Variants in TACC1 observed in about 807,000 individuals in gnomAD.
TACC1 encodes transforming acidic coiled-coil-containing protein 1.
TACC1 carries 48 observed loss-of-function variants against 84.4 expected under a neutral mutation model. That is an observed-to-expected ratio of 0.57 (90% CI 0.45 to 0.72). The LOEUF (loss-of-function observed/expected upper bound fraction) is 0.72, where lower values mean the gene tolerates loss of function less well. TACC1 is among the 30% of genes least tolerant of loss of function. TACC1 has a pLI of 0.00. For missense variants in TACC1, 920 were observed against 973.0 expected, an observed-to-expected ratio of 0.95 and a Z score of 0.72; for synonymous variants, 372 against 376.3, an observed-to-expected ratio of 0.99 and a Z score of 0.13.
At position 38,820,106 on chromosome 8, in the gene TACC1, C is replaced by T. The variant is rs1313146813; in HGVS notation, c.862C>T (p.Pro288Ser). The change falls in exon 3 of 13, where the codon CCC (proline) becomes TCC (serine). Residue 288 changes from proline to serine, a missense_variant. Transcript: ENST00000317827. ...AGGAGATGCCAGGTTCCAGAAGTCT[C>T]CCCCTGACCTTAAAGAAACTCCCGG... ...LLGDARFQKS[P>S]PDLKETPGTL... 8 of 1,614,146 alleles carry T rather than the reference C, an allele frequency of 5.0e-6. No homozygotes were observed. The highest frequency in any genetic ancestry group is 6.8e-6 in the Non-Finnish European group (8 of 1,180,022).
chr8:38,824,136 TC>T, intron 3 of TACC1: 1 of 907,972 alleles, frequency 1.1e-6, no homozygotes, highest in Non-Finnish European at 1.6e-6. Context: ...AGTTTGATCT[TC>T]TGATGATTTT....
At chr8:38,835,211 G>A (rs1179029742) in intron 6 of TACC1, among the ~76,000 whole-genome samples, 7 of 149,846 alleles carry the variant, frequency 4.7e-5, no homozygotes, top group Non-Finnish European at 8.9e-5. Flanking sequence ...CCGAGATTGC[G>A]CCACTGCACT....
chr8:38,838,429 T>C lies in TACC1; in HGVS notation c.1840-41T>C, dbSNP rs756139821. On this transcript the variant is annotated intron_variant, in intron 7 of 12. Transcript: ENST00000317827. ...TTCAGTTCCCAGTCTTAAATGCAAA[T>C]TGTAATAGATTGGGTAAAACTAAGC... is the stretch of plus-strand genomic sequence containing the variant. 12 of 1,474,656 alleles carry C rather than the reference T, an allele frequency of 8.1e-6. No individual in the cohort carries two copies. The South Asian group carries it at 1.4e-4, about 17-fold the overall frequency. The allele number at this position is 1,474,656 out of a possible 1,614,324, so 91.3% of individuals were successfully genotyped here.
intron 2 of TACC1, among the ~76,000 whole-genome samples, chr8:38,817,238 AAC>A (rs1436764573): frequency 6.6e-6 from 1 of 152,188 alleles, no homozygotes; most frequent in African/African-American, 2.4e-5. Flanking sequence ...TGTACATGGA[AAC>A]ACATGGATAT....
intron 1 of TACC1, 91 bp from the exon 2 acceptor site, chr8:38,788,613 C>A (rs1563490210): frequency 9.7e-7 from 1 of 1,033,476 alleles, no homozygotes; most frequent in Non-Finnish European, 1.4e-6. Context: ...GACAAAAGTG[C>A]TGGACTTTTA....
At chr8:38,746,996 C>T (rs144351718) in intron 3 of TACC1, among the ~76,000 whole-genome samples, 1 of 152,232 alleles carries the variant, frequency 6.6e-6, no homozygotes, top group East Asian at 1.9e-4. Context: ...ATGAGCTAAA[C>T]ACTCCAATTA....
intron 3 of TACC1, among the ~76,000 whole-genome samples, chr8:38,774,368 A>G (rs1814362133): frequency 6.6e-6 from 1 of 152,236 alleles, no homozygotes; most frequent in African/African-American, 2.4e-5. Context: ...TTTGTTCAAC[A>G]CAGTGTTCAG....
intron 9 of TACC1, 81 bp downstream of exon 9, chr8:38,840,348 T>A: frequency 1.6e-6 from 2 of 1,263,672 alleles, no homozygotes; most frequent in Non-Finnish European, 2.3e-6. Context: ...ACAAAATATG[T>A]AAGCTAGGTA....
intron 5 of TACC1, among the ~76,000 whole-genome samples, chr8:38,829,549 T>TA (rs1828804055): frequency 6.6e-6 from 1 of 152,200 alleles, no homozygotes; most frequent in African/African-American, 2.4e-5. Context: ...CCTTTCCCCC[T>TA]TCCTGTTCCA....
chr8:38,810,207 A>G (rs1823751662), intron 2 of TACC1, among the ~76,000 whole-genome samples: 1 of 152,106 alleles, frequency 6.6e-6, no homozygotes, highest in African/African-American at 2.4e-5. Flanking sequence ...TATACCTGTG[A>G]TGTAATTATC....
intron 1 of TACC1, chr8:38,742,335 C>A: frequency 1.6e-6 from 2 of 1,230,024 alleles, no homozygotes; most frequent in Non-Finnish European, 2.2e-6. Context: ...TCCCACCTGA[C>A]TTAATTCTCT....
chr8:38,841,175 A>G lies in TACC1; in HGVS notation c.1960+908A>G, dbSNP rs1439698973. Reference sequence around the variant, plus strand: ...GTTTTACGTGTGTTCCTGTTTAAAGACACCTTATTTAATATATATAGTTGA... The same window carrying G: ...GTTTTACGTGTGTTCCTGTTTAAAGGCACCTTATTTAATATATATAGTTGA... On this transcript the variant is annotated intron_variant, in intron 9 of 12. Transcript: ENST00000317827. Among the ~76,000 whole-genome samples the G allele has an allele frequency of 4.6e-5, 7 of 152,204 alleles. No homozygotes were observed. The South Asian group carries it at 1.4e-3, about 31-fold the overall frequency.
Position 38,840,426 on chromosome 8 carries a change from T to A in TACC1, c.1960+159T>A. ...GAGTTCAAGGTGCCCACAGATGAGA[T>A]GTCTGGGGAGGGCCCATTCCTCATA... On this transcript the variant is annotated intron_variant, in intron 9 of 12. Coordinates refer to ENST00000317827, the MANE Select transcript of TACC1 (RefSeq NM_006283.3). 5.0e-6 allele frequency: 3 copies of A among 595,754 alleles called. No individual in the cohort carries two copies. The South Asian group carries it at 6.5e-5, about 13-fold the overall frequency. 36.9% of individuals were successfully genotyped at this position (595,754 alleles called of 1,614,324 possible).
chr8:38,818,277 C>G (rs116138368), intron 2 of TACC1, among the ~76,000 whole-genome samples: 2,244 of 152,198 alleles, frequency 0.015, 47 homozygotes, highest in African/African-American at 0.051. Context: ...TCCAGTGGTA[C>G]TTGACTCTGA....
intron 7 of TACC1, among the ~76,000 whole-genome samples, chr8:38,837,411 G>A (rs1830447683): frequency 1.3e-5 from 2 of 152,090 alleles, no homozygotes; most frequent in South Asian, 2.1e-4. Context: ...CAACAAGAGC[G>A]AAACTCCATC....
chr8:38,789,323 C>T (rs1419865596), intron 2 of TACC1, among the ~76,000 whole-genome samples: 2 of 152,222 alleles, frequency 1.3e-5, no homozygotes, highest in African/African-American at 4.8e-5. Flanking sequence ...GATTCCCTCC[C>T]AGCCCCTCAG....
rs1254916813 is a variant in TACC1 at position 38,851,917 on chromosome 8, A to G, written c.*3894A>G. The G allele has an allele frequency of 2.2e-6, 1 of 452,734 alleles. No homozygotes were observed. Among genetic ancestry groups the G allele is most frequent in the South Asian group, 1.6e-5 (1 of 64,464 alleles). 28.0% of individuals were successfully genotyped at this position (452,734 alleles called of 1,614,324 possible). A position where few individuals can be genotyped will look rare whatever the true frequency, so the allele number is the denominator to read the frequency against. On this transcript the variant is annotated 3_prime_UTR_variant, in exon 13 of 13. Coordinates refer to ENST00000317827, the MANE Select transcript of TACC1 (RefSeq NM_006283.3). ...TAATAAAGAAGTATTTCGAGGAGATATCTGTCCAAAAAGGTTTGACTGGCC... is the reference window on the plus strand; with the variant it reads ...TAATAAAGAAGTATTTCGAGGAGATGTCTGTCCAAAAAGGTTTGACTGGCC...
At chr8:38,769,212 GGTGT>G (rs1437029921) in intron 3 of TACC1, among the ~76,000 whole-genome samples, 1 of 146,604 alleles carries the variant, frequency 6.8e-6, no homozygotes, top group Non-Finnish European at 1.5e-5. Context: ...GTGATTGTGT[GGTGT>G]GTGTATGTGT....
intron 3 of TACC1, among the ~76,000 whole-genome samples, chr8:38,756,742 G>C (rs538079542): frequency 6.6e-6 from 1 of 152,342 alleles, no homozygotes; most frequent in Non-Finnish European, 1.5e-5. Flanking sequence ...GGCATAACCA[G>C]AGCCCAGTTT....
Sources: allele counts gnomAD v4.1 joint callset (sites outside exome capture counted in the v4.1 genomes callset), GRCh38; gene constraint gnomAD v4.1.1; transcripts MANE v1.5; gene names NCBI Gene and HGNC (gene_info 2026-07-23, HGNC 2026-07-21).